The following PRKCH variants were observed in gnomAD, a reference collection of about 807,000 sequenced individuals.
PRKCH encodes the protein protein kinase C eta type.
Under a neutral mutation model 82.5 loss-of-function variants are expected in PRKCH, and 28 were observed. The observed-to-expected ratio is 0.34, with a 90% CI of 0.25 to 0.47. The LOEUF is 0.47. PRKCH is among the 20% of genes least tolerant of loss of function. The pLI is 1.00. For missense variants in PRKCH, 705 were observed against 881.8 expected, an observed-to-expected ratio of 0.80 and a Z score of 2.54; for synonymous variants, 322 against 327.4, an observed-to-expected ratio of 0.98 and a Z score of 0.18.
intron 1 of PRKCH, among the ~76,000 whole-genome samples, chr14:61,266,065 A>ATTAAAGAAAGGGATTAAAG (rs2045097894): frequency 1.3e-5 from 2 of 151,798 alleles, no homozygotes; most frequent in Non-Finnish European, 2.9e-5. Flanking sequence ...CAAGAATGTG[A>ATTAAAGAAAGGGATTAAAG]AAAGGGATTC....
chr14:61,451,041 T>A, intron 6 of PRKCH, 70 bp downstream of exon 6: 1 of 1,539,444 alleles, frequency 6.5e-7, no homozygotes, highest in Non-Finnish European at 8.8e-7. Flanking sequence ...CAGAATTCTG[T>A]GGACTCAGAA....
chr14:61,418,617 G>C (rs1308146503), intron 2 of PRKCH, among the ~76,000 whole-genome samples: 1 of 152,238 alleles, frequency 6.6e-6, no homozygotes, highest in Non-Finnish European at 1.5e-5. Context: ...CTTTGTGATA[G>C]ATTGGCCAGC....
chr14:61,478,650 T>C (rs1190524410), intron 9 of PRKCH, among the ~76,000 whole-genome samples: 2 of 152,130 alleles, frequency 1.3e-5, no homozygotes, highest in African/African-American at 4.8e-5. Context: ...GTAGGATTGC[T>C]TGAGCCTAGG....
chr14:61,380,787 T>C (rs1450821772), intron 1 of PRKCH, among the ~76,000 whole-genome samples: 1 of 152,246 alleles, frequency 6.6e-6, no homozygotes, highest in Non-Finnish European at 1.5e-5. Flanking sequence ...CCTTGAGCTA[T>C]CTCCTTGTTA....
At chr14:61,359,137 C>G (rs541730619) in intron 1 of PRKCH, among the ~76,000 whole-genome samples, 4 of 152,284 alleles carry the variant, frequency 2.6e-5, no homozygotes, top group African/African-American at 9.6e-5. Context: ...GTAGTAAGTG[C>G]TCATGAAATG....
chr14:61,427,023 C>T (rs984616559), intron 2 of PRKCH, among the ~76,000 whole-genome samples: 4 of 152,138 alleles, frequency 2.6e-5, no homozygotes, highest in African/African-American at 9.7e-5. Context: ...CTCAAGAGAT[C>T]CTGAGAACAT....
chr14:61,526,103 G>A (rs949146676), intron 10 of PRKCH, among the ~76,000 whole-genome samples: 5 of 152,198 alleles, frequency 3.3e-5, no homozygotes, highest in African/African-American at 9.6e-5. Flanking sequence ...CCCTGCTCCC[G>A]TCCTGCGCTG....
intron 1 of PRKCH, among the ~76,000 whole-genome samples, chr14:61,301,061 G>A (rs1170369973): frequency 1.3e-5 from 2 of 152,038 alleles, no homozygotes; most frequent in Admixed American, 6.6e-5. Context: ...CCACTCAGGC[G>A]CCCCGCTCTC....
chr14:61,321,631 A>AGCT lies in PRKCH; in HGVS notation c.-467_-465dup, dbSNP rs1301730087. On this transcript the variant is annotated 5_prime_UTR_variant, in exon 1 of 14. Coordinates refer to ENST00000332981, the MANE Select transcript of PRKCH (RefSeq NM_006255.5). The surrounding 1 kb of genome is among the most constrained non-coding windows in gnomAD (Gnocchi z 4.1). The stretch of plus-strand genomic sequence containing the variant: ...TTCTCGCCGGGGATGCGGCGGCGGC[A>AGCT]GCTGCTTCCTGGTTTGAAGCTCGCC... The AGCT allele has an allele frequency of 6.5e-6, 1 of 152,828 alleles. No homozygotes were observed. Among genetic ancestry groups the AGCT allele is most frequent in the East Asian group, 1.9e-4 (1 of 5,178 alleles). 9.5% of individuals were successfully genotyped at this position (152,828 alleles called of 1,614,324 possible). A position where few individuals can be genotyped will look rare whatever the true frequency, so the allele number is the denominator to read the frequency against.
chr14:61,450,596 T>A (rs1411491463), intron 5 of PRKCH, among the ~76,000 whole-genome samples: 1 of 152,210 alleles, frequency 6.6e-6, no homozygotes, highest in Non-Finnish European at 1.5e-5. Context: ...ATCTTAATTT[T>A]TATTTCTCAA....
At chr14:61,395,311 C>A (rs2046761782) in intron 2 of PRKCH, among the ~76,000 whole-genome samples, 1 of 132,564 alleles carries the variant, frequency 7.5e-6, no homozygotes, top group Non-Finnish European at 1.6e-5. Flanking sequence ...CATTTGCCTG[C>A]CACAGCTGTG....
intron 1 of PRKCH, among the ~76,000 whole-genome samples, chr14:61,246,036 G>A (rs970105134): frequency 2.0e-5 from 3 of 152,036 alleles, no homozygotes; most frequent in Admixed American, 6.6e-5. Context: ...AGGGTCCTTC[G>A]CCCTCCCAAA....
chr14:61,486,807 C>G (rs1368139016), intron 10 of PRKCH, among the ~76,000 whole-genome samples: 1 of 151,992 alleles, frequency 6.6e-6, no homozygotes, highest in Non-Finnish European at 1.5e-5. Context: ...AGTCACCACA[C>G]CCAGCTCACA....
chr14:61,280,847 G>A lies in PRKCH; in HGVS notation c.-19+93179G>A, dbSNP rs551001117. On this transcript the variant is annotated intron_variant, in intron 1 of 3. Coordinates refer to the PRKCH transcript ENST00000555185. This position sits in a 1 kb window ranked among gnomAD's most constrained non-coding sequence, Gnocchi z 5.0. Reference sequence around the variant, plus strand: ...TACACTGGGCCCTGGAAGAGCTCGGGCAGCGAGAAGTACCAGGCGCACGAG... The same window carrying A: ...TACACTGGGCCCTGGAAGAGCTCGGACAGCGAGAAGTACCAGGCGCACGAG... The A allele has an allele frequency of 3.2e-6, 5 of 1,565,598 alleles. No individual in the cohort carries two copies. In the East Asian group the frequency reaches 9.2e-5, roughly 29 times the overall value.
At position 61,444,110 on chromosome 14, in the gene PRKCH, T is replaced by C. The variant is rs1884101937; in HGVS notation, c.578+849T>C. On this transcript the variant is annotated intron_variant, in intron 3 of 13. Coordinates refer to ENST00000332981, the MANE Select transcript of PRKCH (RefSeq NM_006255.5). ...CTTTGTATTTTGTTTTCTGTGATTATTTTGGATTTTATATCTTCAACAGTC... is the reference window on the plus strand; with the variant it reads ...CTTTGTATTTTGTTTTCTGTGATTACTTTGGATTTTATATCTTCAACAGTC... Among the ~76,000 whole-genome samples the C allele has an allele frequency of 4.6e-5, 7 of 152,226 alleles. No individual in the cohort carries two copies. The South Asian group carries it at 1.4e-3, about 32-fold the overall frequency.
rs913055314 is a variant in PRKCH, at chr14:61,294,127, A to T, written c.-19+106459A>T. On this transcript the variant is annotated intron_variant, in intron 1 of 3. Coordinates refer to the PRKCH transcript ENST00000555185. ...TGTTTGAAGTTTTATTTTTATTTTT[A>T]TTTTTTTTTTTGAGACAGAGTCTCG... 5.4e-3 allele frequency among the ~76,000 whole-genome samples: 797 copies of T among 146,876 alleles called. 8 individuals carry two copies. Among genetic ancestry groups the T allele is most frequent in the African/African-American group, 0.018 (729 of 40,092 alleles).
At position 61,342,667 on chromosome 14, in the gene PRKCH, A is replaced by G. The variant is rs145326803; in HGVS notation, c.363+20203A>G. On this transcript the variant is annotated intron_variant, in intron 1 of 13. Transcript: ENST00000332981. ...GCCAGTGTCACTGTTGTGGCTATGC[A>G]GCAGAACCCACAGGGCGGAGGTGTT... 1.4e-3 allele frequency among the ~76,000 whole-genome samples: 206 copies of G among 152,316 alleles called. 2 individuals are homozygous for G. Among genetic ancestry groups the G allele is most frequent in the African/African-American group, 4.6e-3 (193 of 41,568 alleles).
chr14:61,473,279 G>A (rs1477369498), intron 9 of PRKCH, among the ~76,000 whole-genome samples: 1 of 152,232 alleles, frequency 6.6e-6, no homozygotes, highest in African/African-American at 2.4e-5. Flanking sequence ...TGGGTCTGAT[G>A]TCCTTTGCTG....
chr14:61,252,395 T>C (rs1178359384), intron 1 of PRKCH, among the ~76,000 whole-genome samples: 1 of 152,220 alleles, frequency 6.6e-6, no homozygotes, highest in Non-Finnish European at 1.5e-5. Flanking sequence ...ACAACCCATG[T>C]GAATTTGCTC....
Sources: gnomAD v4.1 joint callset for allele counts (sites outside exome capture counted in the v4.1 genomes callset) on GRCh38, gnomAD v4.1.1 for gene constraint, Gnocchi (gnomAD v3.1) non-coding constraint, MANE v1.5 for transcripts, NCBI Gene and HGNC (gene_info 2026-07-23, HGNC 2026-07-21) for gene names.